SEMA3A: variants seen among roughly 807,000 people sequenced by gnomAD.
SEMA3A encodes semaphorin-3A.
A neutral mutation model predicts 97.9 loss-of-function variants in SEMA3A; 29 were observed. The observed-to-expected ratio is 0.30, with a 90% CI of 0.22 to 0.40. The LOEUF is 0.40. SEMA3A is among the 10% of genes least tolerant of loss of function. The pLI, the probability that SEMA3A is intolerant of heterozygous loss-of-function variation, is 1.00. For synonymous variants in SEMA3A, 321 were observed against 323.7 expected (o/e 0.99, Z 0.09); for missense variants, 763 against 951.3 (o/e 0.80, Z 2.60).
chr7:83,972,951 A>G (rs1788977398), intron 15 of SEMA3A, among the ~76,000 whole-genome samples: 1 of 152,164 alleles, frequency 6.6e-6, no homozygotes. Flanking sequence ...AAATCATAGA[A>G]GTTAATACTG....
upstream of SEMA3A, among the ~76,000 whole-genome samples, chr7:84,198,882 A>G (rs531699717): frequency 2.6e-5 from 4 of 152,318 alleles, no homozygotes; most frequent in East Asian, 7.7e-4. Context: ...TTCCCATTTC[A>G]CAACAGGTTA....
At chr7:84,412,624 C>G (rs1343588314) in intron 1 of SEMA3A, among the ~76,000 whole-genome samples, 1 of 152,116 alleles carries the variant, frequency 6.6e-6, no homozygotes, top group Non-Finnish European at 1.5e-5. Context: ...TCCCTTTATC[C>G]TTTCCTGATG....
At chr7:84,377,195 A>G (rs1254045750) in intron 1 of SEMA3A, among the ~76,000 whole-genome samples, 14 of 152,136 alleles carry the variant, frequency 9.2e-5, no homozygotes, top group Non-Finnish European at 2.9e-5. Flanking sequence ...TGATCTTGGC[A>G]TAAGGTCAGA....
At chr7:84,212,969 T>C (rs1798666204) in intron 3 of SEMA3A, among the ~76,000 whole-genome samples, 1 of 152,188 alleles carries the variant, frequency 6.6e-6, no homozygotes, top group African/African-American at 2.4e-5. Context: ...ATTTCTTAAT[T>C]TTTTCTTTTT....
At chr7:84,292,550 G>A (rs1407039647) in intron 3 of SEMA3A, among the ~76,000 whole-genome samples, 1 of 151,808 alleles carries the variant, frequency 6.6e-6, no homozygotes, top group Admixed American at 6.6e-5. Context: ...CCTTTATTCT[G>A]AAAATAGAAG....
intron 1 of SEMA3A, among the ~76,000 whole-genome samples, chr7:84,410,155 A>C (rs1804221531): frequency 6.6e-6 from 1 of 152,114 alleles, no homozygotes; most frequent in Admixed American, 6.6e-5. Flanking sequence ...TCATTGTTTC[A>C]TCTTATGTTA....
intron 3 of SEMA3A, among the ~76,000 whole-genome samples, chr7:84,277,337 C>T (rs79664549): frequency 0.073 from 11,134 of 151,928 alleles, 1,394 homozygotes; most frequent in African/African-American, 0.25. Flanking sequence ...TAGATAGAGA[C>T]GTAAAGTTGT....
intron 4 of SEMA3A, among the ~76,000 whole-genome samples, chr7:84,091,196 GAAAGAAAGAAAGAAAGAAAAGA>G (rs1423720901): frequency 6.0e-4 from 42 of 69,684 alleles, no homozygotes; most frequent in East Asian, 2.9e-3. Context: ...AAGAAAGAAA[GAAAGAAAGAAAGAAAGAAAAGA>G]AAAGAAAGAA....
At chr7:84,097,486 C>CA (rs1794811289) in intron 4 of SEMA3A, among the ~76,000 whole-genome samples, 1 of 152,062 alleles carries the variant, frequency 6.6e-6, no homozygotes, top group South Asian at 2.1e-4. Flanking sequence ...AAAAGGCATA[C>CA]AATGAATCAG....
intron 11 of SEMA3A, among the ~76,000 whole-genome samples, chr7:84,004,199 C>A (rs915917236): frequency 1.1e-4 from 16 of 151,882 alleles, no homozygotes; most frequent in African/African-American, 3.9e-4. Context: ...GAATCTGACC[C>A]TAAGTAGCAA....
At chr7:84,138,619 A>G (rs796816381) in intron 1 of SEMA3A, among the ~76,000 whole-genome samples, 1 of 152,062 alleles carries the variant, frequency 6.6e-6, no homozygotes, top group South Asian at 2.1e-4. Flanking sequence ...CAACAGTTTG[A>G]TTTTTTAAAA....
At chr7:84,425,778 C>T (rs1804805442) in intron 1 of SEMA3A, among the ~76,000 whole-genome samples, 1 of 148,596 alleles carries the variant, frequency 6.7e-6, no homozygotes, top group Non-Finnish European at 1.5e-5. Context: ...TGAGACAAGC[C>T]TGGCCAATAT....
chr7:84,178,161 C>G (rs1797630157), intron 1 of SEMA3A, among the ~76,000 whole-genome samples: 1 of 152,156 alleles, frequency 6.6e-6, no homozygotes, highest in Non-Finnish European at 1.5e-5. Flanking sequence ...ACACTATTAT[C>G]TCAACTCTTG....
In SEMA3A at chr7:84,393,235, T is replaced by C. The variant is rs536992237; in HGVS notation, c.-245-21335A>G. Among the ~76,000 whole-genome samples, 13 of 152,264 alleles carry C rather than the reference T, an allele frequency of 8.5e-5. No individual in the cohort carries two copies. In the South Asian group the frequency reaches 2.3e-3, roughly 27 times the overall value. On this transcript the variant is annotated intron_variant, in intron 1 of 3. Coordinates refer to the SEMA3A transcript ENST00000424555. ...GTGGATTTGTGTATATGGTGTGAGA[T>C]AAGGGTCCAATTTCATTCCTTTGCA...
chr7:84,124,016 A>C (rs558793766), intron 3 of SEMA3A, among the ~76,000 whole-genome samples: 1 of 152,154 alleles, frequency 6.6e-6, no homozygotes, highest in African/African-American at 2.4e-5. Flanking sequence ...GAGAATGCGG[A>C]GACGTTTCAC....
At chr7:84,250,094 A>G (rs1799570794) in intron 3 of SEMA3A, among the ~76,000 whole-genome samples, 2 of 152,050 alleles carry the variant, frequency 1.3e-5, no homozygotes, top group Admixed American at 6.6e-5. Context: ...AGAAAATCTT[A>G]TAATCAGTTA....
At chr7:84,408,960 G>A (rs530891931) in intron 1 of SEMA3A, among the ~76,000 whole-genome samples, 29 of 151,558 alleles carry the variant, frequency 1.9e-4, no homozygotes, top group Admixed American at 1.4e-3. Flanking sequence ...CAAGTTATTG[G>A]GTGCAGCACA....
At chr7:84,277,902 C>T (rs1017577726) in intron 3 of SEMA3A, among the ~76,000 whole-genome samples, 1 of 152,120 alleles carries the variant, frequency 6.6e-6, no homozygotes, top group Admixed American at 6.6e-5. Context: ...ATTGCTCTAG[C>T]AAGTGGTAGC....
chr7:84,410,591 A>G (rs1804237177), intron 1 of SEMA3A, among the ~76,000 whole-genome samples: 1 of 152,182 alleles, frequency 6.6e-6, no homozygotes, highest in African/African-American at 2.4e-5. Context: ...TTGGAAATGT[A>G]GTAGTTGTGG....
Sources: allele counts gnomAD v4.1 joint callset (sites outside exome capture counted in the v4.1 genomes callset), GRCh38; gene constraint gnomAD v4.1.1; transcripts MANE v1.5; gene names NCBI Gene and HGNC (gene_info 2026-07-23, HGNC 2026-07-21).